PAQR5: variants seen among roughly 807,000 people sequenced by gnomAD.
The protein encoded by PAQR5 is progestin and adipoQ receptor family member 5, also known as membrane progestin receptor gamma.
A neutral mutation model predicts 34.5 loss-of-function variants in PAQR5; 20 were observed. That is an observed-to-expected ratio of 0.58 (90% CI 0.41 to 0.84). PAQR5 has a LOEUF of 0.84. Ranked by LOEUF, PAQR5 falls within the 40% of genes least tolerant of loss-of-function variation. The pLI is 0.00. For missense variants in PAQR5, 378 were observed against 412.7 expected, an observed-to-expected ratio of 0.92 and a Z score of 0.73; for synonymous variants, 131 against 155.6, an observed-to-expected ratio of 0.84 and a Z score of 1.18.
At chr15:69,402,898 C>T (rs973720278) in intron 8 of PAQR5, among the ~76,000 whole-genome samples, 2 of 152,244 alleles carry the variant, frequency 1.3e-5, no homozygotes, top group South Asian at 4.1e-4. Context: ...CTGTCCCTGT[C>T]ACTCCCACTA....
chr15:69,352,522 C>T (rs990938142), intron 2 of PAQR5, among the ~76,000 whole-genome samples: 5 of 152,218 alleles, frequency 3.3e-5, no homozygotes, highest in African/African-American at 9.6e-5. Flanking sequence ...CCAGCCTGCA[C>T]CTATGGCCTC....
At position 69,384,964 on chromosome 15, in the gene PAQR5, G is replaced by A. The variant is rs77537223; in HGVS notation, c.385+82G>A. 3,854 of 1,029,682 alleles carry A rather than the reference G, an allele frequency of 3.7e-3. 111 individuals are homozygous for A. The African/African-American group carries it at 0.053, about 14-fold the overall frequency. 63.8% of individuals were successfully genotyped at this position (1,029,682 alleles called of 1,614,324 possible). A position where few individuals can be genotyped will look rare whatever the true frequency, so the allele number is the denominator to read the frequency against. ...CTCCTGTGAGCTAGGGTCACCAGAA[G>A]GCTTTGATGAGTTTGCAGAAGAATC... On this transcript the variant is annotated intron_variant, in intron 5 of 8. Coordinates refer to ENST00000395407, the MANE Select transcript of PAQR5 (RefSeq NM_017705.4).
At chr15:69,366,869 T>C (rs1407043464) in intron 3 of PAQR5, among the ~76,000 whole-genome samples, 1 of 152,204 alleles carries the variant, frequency 6.6e-6, no homozygotes, top group Non-Finnish European at 1.5e-5. Flanking sequence ...TTTTTAGGTA[T>C]ATCCAAGTTT....
intron 2 of PAQR5, among the ~76,000 whole-genome samples, chr15:69,349,682 C>T (rs980799889): frequency 6.6e-6 from 1 of 151,342 alleles, no homozygotes; most frequent in African/African-American, 2.4e-5. Flanking sequence ...ACTCTTGTTG[C>T]CCAGGCTGGA....
intron 3 of PAQR5, chr15:69,379,469 C>T: frequency 8.1e-6 from 8 of 985,404 alleles, no homozygotes; most frequent in Non-Finnish European, 9.6e-6. Context: ...GTTCTTCCCA[C>T]CAGCCCCTGA....
chr15:69,363,473 A>G (rs992106255), intron 3 of PAQR5, among the ~76,000 whole-genome samples: 1 of 151,818 alleles, frequency 6.6e-6, no homozygotes. Context: ...CAACAAGTTC[A>G]TATGCAACAT....
intron 8 of PAQR5, among the ~76,000 whole-genome samples, chr15:69,400,690 A>AT (rs2056600408): frequency 6.6e-6 from 1 of 152,152 alleles, no homozygotes; most frequent in Non-Finnish European, 1.5e-5. Flanking sequence ...GAAAAAGTAC[A>AT]TTGGGAGCAG....
chr15:69,317,987 C>G (rs2053993898), intron 1 of PAQR5, among the ~76,000 whole-genome samples: 1 of 152,254 alleles, frequency 6.6e-6, no homozygotes, highest in African/African-American at 2.4e-5. Flanking sequence ...CCTGCCCTGA[C>G]TGCACCACCA....
intron 6 of PAQR5, chr15:69,391,822 C>CT: frequency 2.6e-6 from 1 of 392,144 alleles, no homozygotes; most frequent in Non-Finnish European, 5.1e-6. Context: ...TTTGGGAGCG[C>CT]CAGGTGGGTG....
At chr15:69,350,860 G>A (rs1041963442) in intron 2 of PAQR5, among the ~76,000 whole-genome samples, 2 of 152,156 alleles carry the variant, frequency 1.3e-5, no homozygotes, top group Admixed American at 6.5e-5. Context: ...CCCAGGCTTC[G>A]CCAAAGGGAT....
chr15:69,355,611 G>A (rs1368219759), intron 2 of PAQR5, among the ~76,000 whole-genome samples: 1 of 151,502 alleles, frequency 6.6e-6, no homozygotes, highest in Non-Finnish European at 1.5e-5. Context: ...AGTAGAAACA[G>A]GGTTTCACCA....
intron 1 of PAQR5, 147 bp from the exon 2 acceptor site, chr15:69,337,194 A>C (rs1018369967): frequency 6.6e-6 from 1 of 152,252 alleles, no homozygotes; most frequent in Non-Finnish European, 1.5e-5. Context: ...AGTGAGTAAA[A>C]TATACTCCTG....
rs2056712690 is a variant in PAQR5 at position 69,403,997 on chromosome 15, C to T, written c.*175C>T. 1.5e-6 allele frequency: 1 copy of T among 656,602 alleles called. No homozygotes were observed. Among genetic ancestry groups the T allele is most frequent in the Non-Finnish European group, 2.5e-6 (1 of 393,234 alleles). 40.7% of individuals were successfully genotyped at this position (656,602 alleles called of 1,614,324 possible). On this transcript the variant is annotated 3_prime_UTR_variant, in exon 9 of 9. Coordinates refer to ENST00000395407, the MANE Select transcript of PAQR5 (RefSeq NM_017705.4). ...AGCTGGGGAAATTTCTCTAAATGTA[C>T]ACTGATTCTGTGTGTGTGATTTTAA...
chr15:69,366,640 C>T (rs1420820632), intron 3 of PAQR5, among the ~76,000 whole-genome samples: 4 of 152,176 alleles, frequency 2.6e-5, no homozygotes, highest in Admixed American at 1.3e-4. Context: ...AATTTTCATA[C>T]ATCTTCTAAG....
At chr15:69,343,771 A>G (rs1051158815) in intron 2 of PAQR5, among the ~76,000 whole-genome samples, 2 of 152,184 alleles carry the variant, frequency 1.3e-5, no homozygotes, top group Non-Finnish European at 2.9e-5. Context: ...TCCAGCTGAT[A>G]GATAGTGTCT....
chr15:69,402,206 T>C (rs1595955922), intron 8 of PAQR5, among the ~76,000 whole-genome samples: 1 of 152,354 alleles, frequency 6.6e-6, no homozygotes, highest in East Asian at 1.9e-4. Context: ...CGTTGGCAAG[T>C]AGGCTTCTCC....
rs1361674029 is a variant in PAQR5 at position 69,404,770 on chromosome 15, T to A, written c.*948T>A. 2 of 395,706 alleles carry A rather than the reference T, an allele frequency of 5.1e-6. No homozygotes were observed. Among genetic ancestry groups the A allele is most frequent in the East Asian group, 7.2e-5 (2 of 27,956 alleles). The allele number at this position is 395,706 out of a possible 1,614,324, so 24.5% of individuals were successfully genotyped here. A position where few individuals can be genotyped will look rare whatever the true frequency, so the allele number is the denominator to read the frequency against. ...TCACCTTGCCAGTGGGGTGGTCACA[T>A]ATAGTGTTCTCAAGCTTTACTGTGA... On this transcript the variant is annotated 3_prime_UTR_variant, in exon 9 of 9. Transcript: ENST00000395407.
At chr15:69,331,031 C>T (rs2054367021) in intron 1 of PAQR5, among the ~76,000 whole-genome samples, 2 of 152,192 alleles carry the variant, frequency 1.3e-5, no homozygotes, top group South Asian at 4.1e-4. Context: ...GGGGCACTGC[C>T]AACCCAGTGT....
rs938663473 is a variant in PAQR5, at chr15:69,325,449, C to T, written c.-276-11892C>T. 3.0e-5 allele frequency among the ~76,000 whole-genome samples: 3 copies of T among 99,020 alleles called. No individual in the cohort carries two copies. In the Admixed American group the frequency reaches 3.2e-4, roughly 11 times the overall value. The allele number at this position is 99,020 out of a possible 152,430, so 65.0% of individuals were successfully genotyped here. A position where few individuals can be genotyped will look rare whatever the true frequency, so the allele number is the denominator to read the frequency against. ...AACCACTGCTTTACTATTAGATGTGCCGCGTGGCAATTGTTAGTGCAGATC... is the reference window on the plus strand; with the variant it reads ...AACCACTGCTTTACTATTAGATGTGTCGCGTGGCAATTGTTAGTGCAGATC... On this transcript the variant is annotated intron_variant, in intron 1 of 8. Transcript: ENST00000395407.
Sources: gnomAD v4.1 joint callset for allele counts (sites outside exome capture counted in the v4.1 genomes callset) on GRCh38, gnomAD v4.1.1 for gene constraint, MANE v1.5 for transcripts, NCBI Gene and HGNC (gene_info 2026-07-23, HGNC 2026-07-21) for gene names.